Variants in VWCE observed in about 807,000 individuals in gnomAD.
The protein encoded by VWCE is von Willebrand factor C and EGF domains, also known as von Willebrand factor C and EGF domain-containing protein.
VWCE carries 68 observed loss-of-function variants against 102.9 expected under a neutral mutation model. The observed-to-expected ratio is 0.66, with a 90% CI of 0.54 to 0.81. The LOEUF (loss-of-function observed/expected upper bound fraction) is 0.81, where lower values mean the gene tolerates loss of function less well. Ranked by LOEUF, VWCE falls within the 30% of genes least tolerant of loss-of-function variation. The pLI, the probability that VWCE is intolerant of heterozygous loss-of-function variation, is 0.00. For missense variants in VWCE, 1,137 were observed against 1,263.6 expected, an observed-to-expected ratio of 0.90 and a Z score of 1.52; for synonymous variants, 497 against 515.4, an observed-to-expected ratio of 0.96 and a Z score of 0.48.
Position 61,281,129 on chromosome 11 carries a change from T to C in VWCE, c.894A>G (p.Pro298=). The C allele has an allele frequency of 6.2e-7, 1 of 1,613,528 alleles. No individual in the cohort carries two copies. Among genetic ancestry groups the C allele is most frequent in the Non-Finnish European group, 8.5e-7 (1 of 1,179,854 alleles). ...LPEAGRPALS[P]GHSPPSGAPG... is the part of the protein sequence containing the mutation. ...GAGCCCCAGAAGGAGGGCTATGTCC[T>C]GGGGACAGGGCAGGCCGGCCGGCCT... is the stretch of plus-strand genomic sequence containing the variant. Residue 298 remains proline, a synonymous_variant, in exon 8 of 20, where the codon CCA becomes CCG. Coordinates refer to ENST00000335613, the MANE Select transcript of VWCE (RefSeq NM_152718.2).
intron 19 of VWCE, among the ~76,000 whole-genome samples, chr11:61,262,777 T>C (rs1337512139): frequency 6.6e-6 from 1 of 151,870 alleles, no homozygotes; most frequent in South Asian, 2.1e-4. Context: ...CCACCATCAG[T>C]GAAAAAAATT....
At position 61,259,193 on chromosome 11, in the gene VWCE, G is replaced by T. The variant is rs762947849; in HGVS notation, c.2350C>A (p.Pro784Thr). ...TEAPVNCSSC[P>T]GPPTASPSRP... ...GAGGGTGATGCTGTCGGGGGCCCAG[G>T]ACAGGAGCTACAGTTGACAGGGGCC... Residue 784 changes from proline (P) to threonine (T), a missense_variant, in exon 20 of 20, where the codon CCT (proline) becomes ACT (threonine). By Grantham distance (38) the Pro-to-Thr change is conservative. This residue lies in a region of VWCE where 316 missense variants were observed against 319.3 expected (regional missense o/e 0.99). Coordinates refer to ENST00000335613, the MANE Select transcript of VWCE (RefSeq NM_152718.2). 1 of 1,614,194 alleles carries T rather than the reference G, an allele frequency of 6.2e-7. No homozygotes were observed. Among genetic ancestry groups the T allele is most frequent in the Non-Finnish European group, 8.5e-7 (1 of 1,180,034 alleles).
At chr11:61,283,674 C>G (rs923655943) in intron 5 of VWCE, among the ~76,000 whole-genome samples, 1 of 152,194 alleles carries the variant, frequency 6.6e-6, no homozygotes, top group Non-Finnish European at 1.5e-5. Context: ...GCCTCCATTA[C>G]AGGCGTGAGC....
chr11:61,290,510 T>G (rs1590660090), intron 4 of VWCE, among the ~76,000 whole-genome samples: 1 of 84,004 alleles, frequency 1.2e-5, no homozygotes, highest in Non-Finnish European at 2.2e-5. Context: ...AAACTTCGTC[T>G]CAAAAAAAAA....
rs530999784 is a variant in VWCE, at chr11:61,272,158, A to G, written c.1700-398T>C. On this transcript the variant is annotated intron_variant, in intron 13 of 19. Coordinates refer to ENST00000335613, the MANE Select transcript of VWCE (RefSeq NM_152718.2). ...CATACTCATACAAATGCACATTTAC[A>G]TACACACACAGATACAACACAGACA... Among the ~76,000 whole-genome samples, 210 of 151,330 alleles carry G rather than the reference A, an allele frequency of 1.4e-3. 2 individuals carry two copies. Among genetic ancestry groups the G allele is most frequent in the African/African-American group, 5.0e-3 (205 of 40,706 alleles).
At chr11:61,270,951 C>T (rs1854675158) in intron 14 of VWCE, among the ~76,000 whole-genome samples, 1 of 151,858 alleles carries the variant, frequency 6.6e-6, no homozygotes, top group Non-Finnish European at 1.5e-5. Flanking sequence ...GGAAGCGATC[C>T]TCCCACCTTA....
chr11:61,274,262 G>C (rs1442287037), intron 12 of VWCE, among the ~76,000 whole-genome samples: 1 of 152,164 alleles, frequency 6.6e-6, no homozygotes, highest in East Asian at 1.9e-4. Context: ...GGGCTTCCTT[G>C]TGCTTAGCTG....
intron 15 of VWCE, among the ~76,000 whole-genome samples, chr11:61,267,961 CCTCT>C (rs1854562066): frequency 6.6e-6 from 1 of 152,070 alleles, no homozygotes; most frequent in Non-Finnish European, 1.5e-5. Context: ...ACACTACTCC[CCTCT>C]CTGATTCCTG....
At position 61,258,786 on chromosome 11, in the gene VWCE, G is replaced by A. The variant is rs768900318; in HGVS notation, c.2757C>T (p.Arg919=). ...SKTPITLLGP[R]VLSPTTSRLS... ...GTCTAGAGGTGGTGGGAGAAAGCACGCGAGGCCCGAGGAGGGTGATGGGGG... is the reference window on the plus strand; with the variant it reads ...GTCTAGAGGTGGTGGGAGAAAGCACACGAGGCCCGAGGAGGGTGATGGGGG... Residue 919 remains arginine (R), a synonymous_variant, in exon 20 of 20, where the codon CGC becomes CGT. Coordinates refer to ENST00000335613, the MANE Select transcript of VWCE (RefSeq NM_152718.2). 24 of 1,495,664 alleles carry A rather than the reference G, an allele frequency of 1.6e-5. No individual in the cohort carries two copies. The highest frequency in any genetic ancestry group is 2.4e-5 in the Admixed American group (1 of 42,438). The allele number at this position is 1,495,664 out of a possible 1,614,324, so 92.6% of individuals were successfully genotyped here.
rs529513939 is a variant in VWCE at position 61,272,774 on chromosome 11, TACAA to T, written c.1699+421_1699+424del. On this transcript the variant is annotated intron_variant, in intron 13 of 19. Coordinates refer to ENST00000335613, the MANE Select transcript of VWCE (RefSeq NM_152718.2). The stretch of plus-strand genomic sequence containing the variant: ...ACTTACTCTCACGCAGACACACTCA[TACAA>T]ACATACACTTACATGCACACACACA... Among the ~76,000 whole-genome samples the T allele has an allele frequency of 5.2e-4, 79 of 150,768 alleles. No homozygotes were observed. In the South Asian group the frequency reaches 9.1e-3, roughly 17 times the overall value.
chr11:61,264,825 G>A, intron 18 of VWCE, 131 bp downstream of exon 18: 2 of 1,059,832 alleles, frequency 1.9e-6, no homozygotes, highest in South Asian at 1.5e-5. Context: ...TATTCTGGCA[G>A]TTAATTAAAG....
At chr11:61,279,980 G>GCA (rs1855065028) in intron 9 of VWCE, among the ~76,000 whole-genome samples, 2 of 152,170 alleles carry the variant, frequency 1.3e-5, no homozygotes, top group Non-Finnish European at 2.9e-5. Flanking sequence ...GCCCACCTCG[G>GCA]CCTCCCAAAG....
chr11:61,281,326 G>C, intron 7 of VWCE, 91 bp from the exon 8 acceptor site: 1 of 1,468,510 alleles, frequency 6.8e-7, no homozygotes, highest in Non-Finnish European at 9.4e-7. Context: ...ACCACCACAA[G>C]TCCCTGTTCA....
intron 4 of VWCE, among the ~76,000 whole-genome samples, chr11:61,287,501 G>A (rs1000052842): frequency 1.2e-4 from 18 of 152,180 alleles, no homozygotes; most frequent in African/African-American, 3.9e-4. Flanking sequence ...CACCAACTGC[G>A]TGCAGCAGAC....
intron 4 of VWCE, 105 bp from the exon 5 acceptor site, chr11:61,286,535 G>T: frequency 1.9e-6 from 2 of 1,037,880 alleles, no homozygotes; most frequent in Non-Finnish European, 2.9e-6. Context: ...GGGCATGGTG[G>T]CTCACGCCTG....
At position 61,258,553 on chromosome 11, in the gene VWCE, A is replaced by T; in HGVS notation, c.*122T>A. 1 of 1,016,782 alleles carries T rather than the reference A, an allele frequency of 9.8e-7. No homozygotes were observed. Among genetic ancestry groups the T allele is most frequent in the Non-Finnish European group, 1.3e-6 (1 of 778,564 alleles). 63.0% of individuals were successfully genotyped at this position (1,016,782 alleles called of 1,614,324 possible). A position where few individuals can be genotyped will look rare whatever the true frequency, so the allele number is the denominator to read the frequency against. On this transcript the variant is annotated 3_prime_UTR_variant, in exon 20 of 20. Transcript: ENST00000335613. ...GCCTTGGGGGTCTTCCATCCTCACC[A>T]GGGCCCCTGCAGGAGGGAGCCCAGG...
chr11:61,262,773 T>C (rs1278835703), intron 19 of VWCE, among the ~76,000 whole-genome samples: 5 of 151,954 alleles, frequency 3.3e-5, no homozygotes, highest in Admixed American at 3.3e-4. Context: ...CAGGCCACCA[T>C]CAGTGAAAAA....
chr11:61,281,992 A>T lies in VWCE; in HGVS notation c.659-78T>A, dbSNP rs923122520. The T allele has an allele frequency of 2.9e-5, 45 of 1,542,382 alleles. No individual in the cohort carries two copies. In the African/African-American group the frequency reaches 3.8e-4, roughly 13 times the overall value. On this transcript the variant is annotated intron_variant, in intron 6 of 19. Coordinates refer to ENST00000335613, the MANE Select transcript of VWCE (RefSeq NM_152718.2). ...TCTTCCGCCCATCCCTTAGCTCAAA[A>T]CACTTGGGGAGTTTCTCTGCCATGT... is the stretch of plus-strand genomic sequence containing the variant.
chr11:61,262,521 A>T (rs1854390217), intron 19 of VWCE, among the ~76,000 whole-genome samples: 1 of 152,208 alleles, frequency 6.6e-6, no homozygotes, highest in African/African-American at 2.4e-5. Flanking sequence ...TTAGCTAGCA[A>T]TCAGTCTCTA....
Sources: allele counts gnomAD v4.1 joint callset (sites outside exome capture counted in the v4.1 genomes callset), GRCh38; gene constraint gnomAD v4.1.1; regional missense constraint gnomAD v4.1.1; transcripts MANE v1.5; gene names NCBI Gene and HGNC (gene_info 2026-07-23, HGNC 2026-07-21).